FAAH2: variants seen among roughly 807,000 people sequenced by gnomAD.
FAAH2 encodes fatty-acid amide hydrolase 2.
A neutral mutation model predicts 36.9 loss-of-function variants in FAAH2; 60 were observed. The observed-to-expected ratio is 1.63, with a 90% CI of 1.32 to 2.02. The LOEUF (loss-of-function observed/expected upper bound fraction) is 2.02, where lower values mean the gene tolerates loss of function less well. FAAH2 is among the 30% of genes most tolerant of loss of function. The pLI is 0.00. For missense variants in FAAH2, 689 were observed against 397.5 expected (o/e 1.73, Z -6.23); for synonymous variants, 214 against 143.8 (o/e 1.49, Z -3.49).
intron 7 of FAAH2, among the ~76,000 whole-genome samples, chrX:57,418,056 A>G (rs777041110): frequency 9.0e-6 from 1 of 111,317 alleles, no homozygotes; most frequent in African/African-American, 3.3e-5. Flanking sequence ...CTCAAGCCTT[A>G]GTAATTGTGG....
chrX:57,133,808 GATGTATACAAGAAAATTA>G, the FAAH2 span, among the ~76,000 whole-genome samples: 2 of 112,138 alleles, frequency 1.8e-5, no homozygotes, highest in Non-Finnish European at 3.8e-5. Context: ...TGAATTGTGT[GATGTATACAAGAAAATTA>G]ATCCCTGCTA....
the FAAH2 span, among the ~76,000 whole-genome samples, chrX:57,272,856 A>G: frequency 2.7e-5 from 3 of 112,169 alleles, no homozygotes; most frequent in African/African-American, 9.7e-5. Context: ...ACTAACCAAC[A>G]TCCAGCAAAA....
Position 57,311,967 on chromosome X carries a change from G to A in FAAH2, c.412+1238G>A, listed in dbSNP as rs187866930. Among the ~76,000 whole-genome samples, 7 of 112,278 alleles carry A rather than the reference G, an allele frequency of 6.2e-5. No individual in the cohort carries two copies. In the East Asian group the frequency reaches 2.0e-3, roughly 32 times the overall value. On this transcript the variant is annotated intron_variant, in intron 3 of 10. Coordinates refer to ENST00000374900, the MANE Select transcript of FAAH2 (RefSeq NM_174912.4). ...CTCCCAACCCCAGAACACTGAGAAG[G>A]GAGAGATGCATGGGTTTCTGGGCAA...
the FAAH2 span, among the ~76,000 whole-genome samples, chrX:57,158,183 AT>A: frequency 1.8e-5 from 2 of 111,763 alleles, no homozygotes; most frequent in Middle Eastern, 4.6e-3. Context: ...TGAACTCATC[AT>A]TTTTTATGGC....
chrX:57,232,738 C>T, the FAAH2 span, among the ~76,000 whole-genome samples: 2 of 112,171 alleles, frequency 1.8e-5, no homozygotes, highest in Non-Finnish European at 1.9e-5. Context: ...TTTCTTCTAA[C>T]TCTTAGAACA....
intron 7 of FAAH2, among the ~76,000 whole-genome samples, chrX:57,409,815 G>T (rs1214180300): frequency 3.6e-5 from 4 of 109,747 alleles, no homozygotes; most frequent in Non-Finnish European, 7.6e-5. Context: ...TCCAGCTAAT[G>T]TTTTCTCAAT....
intron 8 of FAAH2, among the ~76,000 whole-genome samples, chrX:57,442,711 T>A (rs1173081744): frequency 8.9e-6 from 1 of 112,115 alleles, no homozygotes; most frequent in Non-Finnish European, 1.9e-5. Context: ...GCATTGACAG[T>A]TTTTACAATT....
At chrX:57,266,472 A>G in the FAAH2 span, among the ~76,000 whole-genome samples, 1 of 112,618 alleles carries the variant, frequency 8.9e-6, no homozygotes, top group Non-Finnish European at 1.9e-5. Flanking sequence ...AGAGCTGTCA[A>G]GCCTCTCTGG....
chrX:57,371,962 G>T (rs1323886216), intron 5 of FAAH2, among the ~76,000 whole-genome samples: 1 of 111,599 alleles, frequency 9.0e-6, no homozygotes, highest in East Asian at 2.8e-4. Context: ...CATTAATGTT[G>T]CTGCAAAGGT....
chrX:57,123,005 T>A, the FAAH2 span, among the ~76,000 whole-genome samples: 1 of 112,133 alleles, frequency 8.9e-6, no homozygotes, highest in African/African-American at 3.2e-5. Context: ...TTTTCATTTT[T>A]ATTTTTTTAA....
the FAAH2 span, among the ~76,000 whole-genome samples, chrX:57,212,431 G>A: frequency 9.0e-6 from 1 of 111,445 alleles, no homozygotes; most frequent in African/African-American, 3.3e-5. Flanking sequence ...AAAGTGAACA[G>A]GATACAGGTG....
chrX:57,380,334 T>C (rs2054809587), intron 6 of FAAH2, among the ~76,000 whole-genome samples: 1 of 111,501 alleles, frequency 9.0e-6, no homozygotes, highest in Admixed American at 9.6e-5. Context: ...GCTCACTTTT[T>C]TCACTTAAGC....
chrX:57,329,414 C>T (rs2053329732), intron 3 of FAAH2, among the ~76,000 whole-genome samples: 1 of 110,842 alleles, frequency 9.0e-6, no homozygotes, highest in South Asian at 3.8e-4. Context: ...AGGGTGGGTC[C>T]ACTTTTTGCA....
the FAAH2 span, among the ~76,000 whole-genome samples, chrX:57,208,291 G>T: frequency 2.7e-5 from 3 of 112,138 alleles, no homozygotes; most frequent in South Asian, 7.4e-4. Context: ...AAACAAACCT[G>T]CTCTGTCATC....
At chrX:57,336,069 A>T (rs779201205) in intron 4 of FAAH2, among the ~76,000 whole-genome samples, 1 of 111,498 alleles carries the variant, frequency 9.0e-6, no homozygotes. Context: ...AAGCTAAGCC[A>T]TCATATCCCC....
rs141757509 is a variant in FAAH2, at chrX:57,403,676, A to G, written c.996+22647A>G. 3.9e-3 allele frequency among the ~76,000 whole-genome samples: 439 copies of G among 112,475 alleles called. 2 individuals are homozygous for G. Among genetic ancestry groups the G allele is most frequent in the African/African-American group, 0.014 (422 of 30,980 alleles). On this transcript the variant is annotated intron_variant, in intron 7 of 10. Transcript: ENST00000374900. ...GCTCGCACGTTTGAGCAGACCAATT[A>G]TTAGGCAATTTTCTTAACTCTGCTT...
chrX:57,290,186 C>T (rs2051934150), intron 1 of FAAH2: 2 of 648,944 alleles, frequency 3.1e-6, no homozygotes, highest in Non-Finnish European at 3.7e-6. Flanking sequence ...TAACTTCTAC[C>T]TCTAACCCCT....
Position 57,469,668 on chromosome X carries a change from C to T in FAAH2, c.1424-19089C>T, listed in dbSNP as rs759315218. On this transcript the variant is annotated intron_variant, in intron 10 of 10. Coordinates refer to ENST00000374900, the MANE Select transcript of FAAH2 (RefSeq NM_174912.4). Reference sequence around the variant, plus strand: ...AATAATGGGAGACTTTAACACCCCACTGTCAACATTAGACAGATCAGTGAG... The same window carrying T: ...AATAATGGGAGACTTTAACACCCCATTGTCAACATTAGACAGATCAGTGAG... Among the ~76,000 whole-genome samples the T allele has an allele frequency of 2.9e-4, 32 of 111,785 alleles. 1 individual carries two copies. In the South Asian group the frequency reaches 3.8e-3, roughly 13 times the overall value.
At chrX:57,322,143 C>T (rs1413097307) in intron 3 of FAAH2, among the ~76,000 whole-genome samples, 2 of 111,143 alleles carry the variant, frequency 1.8e-5, no homozygotes, top group Admixed American at 9.6e-5. Context: ...GCTGAGACTA[C>T]AGGCATCCGC....
Sources: gnomAD v4.1 joint callset for allele counts (sites outside exome capture counted in the v4.1 genomes callset) on GRCh38, gnomAD v4.1.1 for gene constraint, MANE v1.5 for transcripts, NCBI Gene and HGNC (gene_info 2026-07-23, HGNC 2026-07-21) for gene names.